YY1: variants seen among roughly 807,000 people sequenced by gnomAD.
YY1 encodes transcriptional repressor protein YY1.
Under a neutral mutation model 35.6 loss-of-function variants are expected in YY1, and 2 were observed. That is an observed-to-expected ratio of 0.06 (90% CI 0.02 to 0.18). The LOEUF (loss-of-function observed/expected upper bound fraction) is 0.18, where lower values mean the gene tolerates loss of function less well. Ranked by LOEUF, YY1 falls within the 10% of genes least tolerant of loss-of-function variation. YY1 has a pLI of 1.00. For synonymous variants in YY1, 268 were observed against 238.9 expected, an observed-to-expected ratio of 1.12 and a Z score of -1.12; for missense variants, 322 against 573.4, an observed-to-expected ratio of 0.56 and a Z score of 4.48.
At chr14:100,269,875 A>G (rs1291852250) in intron 2 of YY1, among the ~76,000 whole-genome samples, 2 of 152,208 alleles carry the variant, frequency 1.3e-5, no homozygotes, top group Non-Finnish European at 2.9e-5. Flanking sequence ...AATACCACTT[A>G]TAATAACAAA....
intron 1 of YY1, among the ~76,000 whole-genome samples, chr14:100,253,172 C>CTA (rs1890949267): frequency 6.6e-6 from 1 of 152,124 alleles, no homozygotes; most frequent in Admixed American, 6.5e-5. Context: ...TTTTAATGAC[C>CTA]TATAGTGGGT....
intron 2 of YY1, among the ~76,000 whole-genome samples, chr14:100,274,462 A>G (rs146099134): frequency 4.6e-5 from 7 of 152,348 alleles, no homozygotes; most frequent in Admixed American, 2.0e-4. Flanking sequence ...ATGAGACTGT[A>G]GGCGGCAACT....
At chr14:100,255,592 C>G (rs559112624) in intron 1 of YY1, among the ~76,000 whole-genome samples, 71 of 152,258 alleles carry the variant, frequency 4.7e-4, no homozygotes, top group African/African-American at 1.6e-3. Flanking sequence ...GCACTCCAAC[C>G]TGGGGGGGAC....
intron 1 of YY1, among the ~76,000 whole-genome samples, chr14:100,255,097 A>G (rs1890986083): frequency 6.6e-6 from 1 of 151,290 alleles, no homozygotes; most frequent in Non-Finnish European, 1.5e-5. Context: ...GTGCCCAGCC[A>G]GCCTATTTTC....
chr14:100,266,013 T>C (rs762557544), intron 2 of YY1, among the ~76,000 whole-genome samples: 1 of 152,116 alleles, frequency 6.6e-6, no homozygotes, highest in Non-Finnish European at 1.5e-5. Flanking sequence ...CTCAGAATCA[T>C]GGCAGGAGGC....
intron 1 of YY1, among the ~76,000 whole-genome samples, chr14:100,240,919 T>C (rs1890729326): frequency 6.6e-6 from 1 of 152,220 alleles, no homozygotes; most frequent in South Asian, 2.1e-4. Context: ...GTTTTTACTT[T>C]GTAGAAAGGT....
At chr14:100,241,980 G>T (rs1007577796) in intron 1 of YY1, among the ~76,000 whole-genome samples, 16 of 26,422 alleles carry the variant, frequency 6.1e-4, no homozygotes, top group African/African-American at 2.4e-3. Context: ...GTCTCAAAAG[G>T]GGGGGGGGGG....
chr14:100,282,434 A>G lies in YY1; in HGVS notation c.*4834A>G, dbSNP rs1891452835. On this transcript the variant is annotated 3_prime_UTR_variant, in exon 5 of 5. Coordinates refer to ENST00000262238, the MANE Select transcript of YY1 (RefSeq NM_003403.5). ...GAGAAAGGCATCAGTACCAAACGGAACAACCTCTTTTTTCTACATTGTCCA... is the reference window on the plus strand; with the variant it reads ...GAGAAAGGCATCAGTACCAAACGGAGCAACCTCTTTTTTCTACATTGTCCA... 1 of 151,800 alleles carries G rather than the reference A, an allele frequency of 6.6e-6. No individual in the cohort carries two copies. The highest frequency in any genetic ancestry group is 2.4e-5 in the African/African-American group (1 of 41,048). 9.4% of individuals were successfully genotyped at this position (151,800 alleles called of 1,614,324 possible). A position where few individuals can be genotyped will look rare whatever the true frequency, so the allele number is the denominator to read the frequency against.
In YY1 at chr14:100,260,771, C is replaced by CT. The variant is rs71113254; in HGVS notation, c.680-1494dup. Reference sequence around the variant, plus strand: ...CAGGTGTGAGCCACCGTGCCTGGTCCTTTTTTTTTTTTTTTTTTTTTTTTT... The same window carrying CT: ...CAGGTGTGAGCCACCGTGCCTGGTCCTTTTTTTTTTTTTTTTTTTTTTTTTT... On this transcript the variant is annotated intron_variant, in intron 1 of 4. Transcript: ENST00000262238. Among the ~76,000 whole-genome samples, 97 of 42,570 alleles carry CT rather than the reference C, an allele frequency of 2.3e-3. 23 individuals carry two copies. The highest frequency in any genetic ancestry group is 3.2e-3 in the Non-Finnish European group (73 of 22,956). The allele number at this position is 42,570 out of a possible 152,430, so 27.9% of individuals were successfully genotyped here. A position where few individuals can be genotyped will look rare whatever the true frequency, so the allele number is the denominator to read the frequency against.
intron 1 of YY1, among the ~76,000 whole-genome samples, chr14:100,255,948 G>C (rs1595321058): frequency 6.6e-6 from 1 of 152,084 alleles, no homozygotes; most frequent in East Asian, 1.9e-4. Flanking sequence ...TTTTTCAGTA[G>C]ATAATCTTAC....
At chr14:100,274,779 A>C in intron 3 of YY1, 21 bp downstream of exon 3, 4 of 1,607,480 alleles carry the variant, frequency 2.5e-6, no homozygotes, top group South Asian at 1.1e-5. Flanking sequence ...CTAGAGGGAG[A>C]GTGTTCATTA....
At chr14:100,274,844 T>C (rs1891296940) in intron 3 of YY1, 86 bp downstream of exon 3, 1 of 1,257,870 alleles carries the variant, frequency 7.9e-7, no homozygotes, top group Non-Finnish European at 1.2e-6. Flanking sequence ...TGTTTCTGCT[T>C]GTGATAATTT....
chr14:100,270,939 C>T (rs1891228285), intron 2 of YY1, among the ~76,000 whole-genome samples: 1 of 151,532 alleles, frequency 6.6e-6, no homozygotes, highest in Non-Finnish European at 1.5e-5. Flanking sequence ...TAATTGGGAA[C>T]ATTAAAACTT....
At chr14:100,245,077 C>T (rs965790102) in intron 1 of YY1, among the ~76,000 whole-genome samples, 3 of 152,056 alleles carry the variant, frequency 2.0e-5, no homozygotes, top group Non-Finnish European at 4.4e-5. Context: ...GCTGGAACTA[C>T]AGGCGCCCGC....
chr14:100,274,194 G>A (rs935636128), intron 2 of YY1, among the ~76,000 whole-genome samples: 25 of 152,064 alleles, frequency 1.6e-4, no homozygotes, highest in Admixed American at 5.9e-4. Flanking sequence ...AAGATCATTC[G>A]TGTCAGTACT....
rs35165026 is a variant in YY1 at position 100,254,940 on chromosome 14, A to ATTTTTTTTTTTTTTTTTTT, written c.680-7353_680-7335dup. The stretch of plus-strand genomic sequence containing the variant: ...AAGCGCCCGCCACCACGCCCAGCTA[A>ATTTTTTTTTTTTTTTTTTT]TTTTTTTTTTTTTTTTTTTTTTTTT... On this transcript the variant is annotated intron_variant, in intron 1 of 4. Coordinates refer to ENST00000262238, the MANE Select transcript of YY1 (RefSeq NM_003403.5). Among the ~76,000 whole-genome samples the ATTTTTTTTTTTTTTTTTTT allele has an allele frequency of 5.1e-4, 15 of 29,588 alleles. 1 individual carries two copies. The highest frequency in any genetic ancestry group is 6.6e-4 in the Admixed American group (1 of 1,514). The allele number at this position is 29,588 out of a possible 152,430, so 19.4% of individuals were successfully genotyped here. A position where few individuals can be genotyped will look rare whatever the true frequency, so the allele number is the denominator to read the frequency against.
chr14:100,239,698 A>G lies in YY1; in HGVS notation c.454A>G (p.Thr152Ala), dbSNP rs749983365. The G allele has an allele frequency of 5.6e-6, 9 of 1,601,254 alleles. No homozygotes were observed. The highest frequency in any genetic ancestry group is 1.1e-5 in the South Asian group (1 of 90,592). ...CGACTACATTGAACAAACGCTGGTC[A>G]CCGTGGCGGCGGCCGGCAAGAGCGG... ...DDDYIEQTLV[T>A]VAAAGKSGGG... The change falls in exon 1 of 5, where the codon ACC (threonine) becomes GCC (alanine). Residue 152 changes from threonine to alanine, a missense_variant. This residue lies in a region of YY1 where 152 missense variants were observed against 167.1 expected (regional missense o/e 0.91). Transcript: ENST00000262238.
rs931298992 is a variant in YY1 at position 100,277,732 on chromosome 14, A to G, written c.*132A>G. On this transcript the variant is annotated 3_prime_UTR_variant, in exon 5 of 5. Transcript: ENST00000262238. The surrounding 1 kb of genome is among the most constrained non-coding windows in gnomAD (Gnocchi z 5.6). The stretch of plus-strand genomic sequence containing the variant: ...AATGAATCCTACACACCTAAGGGAC[A>G]TGTTTTGATAAAGTAGTAAAAATTA... 26 of 985,780 alleles carry G rather than the reference A, an allele frequency of 2.6e-5. No homozygotes were observed. Among genetic ancestry groups the G allele is most frequent in the Middle Eastern group, 2.1e-4 (1 of 4,740 alleles). 61.1% of individuals were successfully genotyped at this position (985,780 alleles called of 1,614,324 possible).
rs1891331524 is a variant in YY1 at position 100,277,067 on chromosome 14, C to T, written c.1063-351C>T. The T allele has an allele frequency of 2.3e-6, 1 of 435,052 alleles. No individual in the cohort carries two copies. The highest frequency in any genetic ancestry group is 4.2e-6 in the Non-Finnish European group (1 of 237,512). 26.9% of individuals were successfully genotyped at this position (435,052 alleles called of 1,614,324 possible). On this transcript the variant is annotated intron_variant, in intron 4 of 4. Coordinates refer to ENST00000262238, the MANE Select transcript of YY1 (RefSeq NM_003403.5). The surrounding 1 kb of genome is among the most constrained non-coding windows in gnomAD (Gnocchi z 5.6). ...TAAATAAGTGAAAGAACTAGCAGTG[C>T]AGCTAGTAAATCTAACGTGGTTCTT...
Sources: allele counts gnomAD v4.1 joint callset (sites outside exome capture counted in the v4.1 genomes callset), GRCh38; gene constraint gnomAD v4.1.1; regional missense constraint gnomAD v4.1.1; non-coding constraint Gnocchi (gnomAD v3.1); transcripts MANE v1.5; gene names NCBI Gene and HGNC (gene_info 2026-07-23, HGNC 2026-07-21).